Variants in ZBTB44 observed in about 807,000 individuals in gnomAD.
ZBTB44 encodes zinc finger and BTB domain containing 44.
ZBTB44 carries 15 observed loss-of-function variants against 54.0 expected under a neutral mutation model. The observed-to-expected ratio is 0.28, with a 90% CI of 0.19 to 0.43. The LOEUF is 0.43. ZBTB44 is among the 20% of genes least tolerant of loss of function. ZBTB44 has a pLI of 1.00. For missense variants in ZBTB44, 487 were observed against 707.1 expected (o/e 0.69, Z 3.53); for synonymous variants, 230 against 250.1 (o/e 0.92, Z 0.76).
At chr11:130,267,500 G>C (rs568996628) in intron 1 of ZBTB44, among the ~76,000 whole-genome samples, 29 of 151,954 alleles carry the variant, frequency 1.9e-4, no homozygotes, top group Non-Finnish European at 3.8e-4. Context: ...TGAAGTCCTA[G>C]GGTCAAGCAA....
Position 130,261,341 on chromosome 11 carries a change from C to A in ZBTB44, c.533G>T (p.Arg178Leu). ...GCTTTTGCGCTTTCTCCGGGATTCT[C>A]GGCAGACAGGAATGGTTCTTTCTAC... ...SVVERTIPVC[R>L]ESRRKRKSYI... is the part of the protein sequence containing the mutation. Residue 178 changes from arginine (R) to leucine (L), a missense_variant, in exon 2 of 8, where the codon CGA becomes CTA. Transcript: ENST00000357899. This position sits in a 1 kb window ranked among gnomAD's most constrained non-coding sequence, Gnocchi z 4.8. The A allele has an allele frequency of 6.2e-7, 1 of 1,613,910 alleles. No individual in the cohort carries two copies. The highest frequency in any genetic ancestry group is 8.5e-7 in the Non-Finnish European group (1 of 1,179,880).
intron 1 of ZBTB44, among the ~76,000 whole-genome samples, chr11:130,289,925 A>G (rs1257032259): frequency 6.6e-6 from 1 of 152,198 alleles, no homozygotes; most frequent in Non-Finnish European, 1.5e-5. Context: ...TCAAAAATGC[A>G]TTCTTCTTTT....
chr11:130,281,576 T>C (rs1940514650), intron 1 of ZBTB44, among the ~76,000 whole-genome samples: 1 of 150,626 alleles, frequency 6.6e-6, no homozygotes, highest in Admixed American at 6.6e-5. Context: ...TTTTAAAAAG[T>C]AGTTTTATTG....
chr11:130,250,486 A>G (rs1447068260), intron 2 of ZBTB44, among the ~76,000 whole-genome samples: 1 of 152,166 alleles, frequency 6.6e-6, no homozygotes, highest in Non-Finnish European at 1.5e-5. Context: ...CCTGACTGGG[A>G]GAGACTTCCC....
rs114476299 is a variant in ZBTB44 at position 130,268,889 on chromosome 11, A to G, written c.-56-6960T>C. 6.0e-3 allele frequency among the ~76,000 whole-genome samples: 907 copies of G among 150,532 alleles called. 12 individuals are homozygous for G. The highest frequency in any genetic ancestry group is 0.02 in the African/African-American group (828 of 40,896). The stretch of plus-strand genomic sequence containing the variant: ...GCCATCACGCTCGGCCTCAAATTTT[A>G]AGAGAGAGAGAGAGAGAAAAAAAGA... On this transcript the variant is annotated intron_variant, in intron 1 of 7. Coordinates refer to ENST00000357899, the MANE Select transcript of ZBTB44 (RefSeq NM_001301098.2).
chr11:130,236,707 G>A, intron 5 of ZBTB44, 86 bp downstream of exon 5: 1 of 1,282,648 alleles, frequency 7.8e-7, no homozygotes, highest in South Asian at 2.6e-5. Flanking sequence ...GCAACCTGAT[G>A]TAAAAACACA....
At chr11:130,274,340 C>G (rs752464822) in intron 1 of ZBTB44, among the ~76,000 whole-genome samples, 2 of 152,160 alleles carry the variant, frequency 1.3e-5, no homozygotes, top group Non-Finnish European at 2.9e-5. Flanking sequence ...CCTTTCCAAA[C>G]TAGATGCCTT....
intron 1 of ZBTB44, among the ~76,000 whole-genome samples, chr11:130,297,470 T>G (rs745596863): frequency 6.6e-6 from 1 of 152,078 alleles, no homozygotes; most frequent in Non-Finnish European, 1.5e-5. Flanking sequence ...TGGTATGGGG[T>G]TGAATTGGGT....
chr11:130,239,604 G>A (rs1244240844), intron 3 of ZBTB44: 7 of 404,060 alleles, frequency 1.7e-5, no homozygotes, highest in Non-Finnish European at 2.7e-5. Context: ...TAAAGCAATG[G>A]GACTAGGTAG....
At chr11:130,241,767 CCT>C (rs1565646563) in intron 2 of ZBTB44, among the ~76,000 whole-genome samples, 1 of 151,768 alleles carries the variant, frequency 6.6e-6, no homozygotes, top group Non-Finnish European at 1.5e-5. Context: ...AAAATCTTTC[CCT>C]GTCTGAAATT....
intron 1 of ZBTB44, among the ~76,000 whole-genome samples, chr11:130,268,203 G>T (rs1194193883): frequency 9.5e-5 from 14 of 146,632 alleles, no homozygotes; most frequent in African/African-American, 3.4e-4. Context: ...ATGCAATGGA[G>T]TGAGACCCAC....
intron 1 of ZBTB44, chr11:130,296,154 A>G: frequency 7.0e-7 from 1 of 1,431,308 alleles, no homozygotes; most frequent in East Asian, 2.3e-5. Context: ...CCCAAACTCG[A>G]AAAGTTTTGA....
chr11:130,254,406 T>C (rs1328809808), intron 2 of ZBTB44, among the ~76,000 whole-genome samples: 1 of 151,914 alleles, frequency 6.6e-6, no homozygotes, highest in East Asian at 1.9e-4. Flanking sequence ...CATCAGAAAG[T>C]GGGAGAAGGA....
chr11:130,264,200 T>TAAC (rs1939083140), intron 1 of ZBTB44, among the ~76,000 whole-genome samples: 1 of 152,236 alleles, frequency 6.6e-6, no homozygotes. Context: ...TGTTAAGTGT[T>TAAC]TAGAATAGTA....
intron 1 of ZBTB44, among the ~76,000 whole-genome samples, chr11:130,294,750 C>T (rs552699324): frequency 6.6e-6 from 1 of 152,152 alleles, no homozygotes; most frequent in East Asian, 1.9e-4. Context: ...GTAGGCAAAA[C>T]AGGTTAATCA....
chr11:130,300,214 A>C (rs1329378491), intron 1 of ZBTB44, among the ~76,000 whole-genome samples: 3 of 152,194 alleles, frequency 2.0e-5, no homozygotes, highest in Non-Finnish European at 4.4e-5. Flanking sequence ...TGAAAGATGA[A>C]GAGAGTTCTG....
chr11:130,252,845 C>T (rs1266937205), intron 2 of ZBTB44, among the ~76,000 whole-genome samples: 2 of 152,174 alleles, frequency 1.3e-5, no homozygotes, highest in African/African-American at 2.4e-5. Context: ...TCCAGCAGCA[C>T]ATCAAAAAGC....
chr11:130,275,293 T>C (rs912192416), intron 1 of ZBTB44, among the ~76,000 whole-genome samples: 2 of 152,180 alleles, frequency 1.3e-5, no homozygotes, highest in African/African-American at 4.8e-5. Context: ...CCGTGAGTGT[T>C]TGTAATGTCG....
chr11:130,242,127 T>G (rs768960587), intron 2 of ZBTB44, among the ~76,000 whole-genome samples: 1 of 152,210 alleles, frequency 6.6e-6, no homozygotes, highest in Non-Finnish European at 1.5e-5. Flanking sequence ...TGAATACAAG[T>G]GGAAATAAAT....
Sources: allele counts gnomAD v4.1 joint callset (sites outside exome capture counted in the v4.1 genomes callset), GRCh38; gene constraint gnomAD v4.1.1; non-coding constraint Gnocchi (gnomAD v3.1); transcripts MANE v1.5; gene names NCBI Gene and HGNC (gene_info 2026-07-23, HGNC 2026-07-21).